GMDS: variants seen among roughly 807,000 people sequenced by gnomAD.
The protein encoded by GMDS is GDP-mannose 4,6 dehydratase.
In GMDS, 20 loss-of-function variants were observed where a neutral mutation model predicts 49.9. The ratio of observed to expected loss-of-function variants is 0.40; its 90% CI spans 0.28 to 0.58. The LOEUF is 0.58. GMDS is among the 20% of genes least tolerant of loss of function. The probability of loss-of-function intolerance (pLI) is 0.42; values close to 1 mark genes in which losing one functional copy is unlikely to be tolerated. For synonymous variants in GMDS, 177 were observed against 178.6 expected (o/e 0.99, Z 0.07); for missense variants, 362 against 481.4 (o/e 0.75, Z 2.32).
chr6:1,754,462 TG>T (rs1561783318), intron 7 of GMDS, among the ~76,000 whole-genome samples: 1 of 152,206 alleles, frequency 6.6e-6, no homozygotes, highest in African/African-American at 2.4e-5. Context: ...AAAGAGGAGC[TG>T]GTACCATTCC....
intron 1 of GMDS, among the ~76,000 whole-genome samples, chr6:2,238,078 C>G (rs1022341314): frequency 4.6e-5 from 7 of 152,006 alleles, no homozygotes; most frequent in Admixed American, 2.0e-4. Context: ...CACCTCTGAG[C>G]ACTTTTAAGT....
rs374647835 is a variant in GMDS at position 2,125,275 on chromosome 6, T to TAAAAC, written c.103-549_103-545dup. 2.2e-3 allele frequency among the ~76,000 whole-genome samples: 327 copies of TAAAAC among 151,334 alleles called. 1 individual carries two copies. The highest frequency in any genetic ancestry group is 5.4e-3 in the African/African-American group (220 of 40,714). ...CAACACAGTGAGACCTTAGCACTGT[T>TAAAAC]AAAACAAAACAAAACAAAACAAAAC... is the stretch of plus-strand genomic sequence containing the variant. On this transcript the variant is annotated intron_variant, in intron 1 of 10. Coordinates refer to ENST00000380815, the MANE Select transcript of GMDS (RefSeq NM_001500.4).
intron 9 of GMDS, among the ~76,000 whole-genome samples, chr6:1,692,798 T>C (rs4285363): frequency 0.046 from 7,021 of 152,342 alleles, 165 homozygotes; most frequent in South Asian, 0.071. Context: ...CAGAATAAGG[T>C]TCTAAAAATT....
chr6:1,924,346 A>G (rs1290532672), intron 7 of GMDS, among the ~76,000 whole-genome samples: 1 of 152,220 alleles, frequency 6.6e-6, no homozygotes, highest in Admixed American at 6.5e-5. Context: ...CCTCTGGGTT[A>G]CCAGTAGGAC....
chr6:1,871,691 C>T (rs1001691269), intron 7 of GMDS, among the ~76,000 whole-genome samples: 10 of 152,248 alleles, frequency 6.6e-5, no homozygotes, highest in African/African-American at 2.4e-4. Context: ...AAATTCTGTC[C>T]TAAGCTGCTG....
intron 4 of GMDS, among the ~76,000 whole-genome samples, chr6:2,022,893 A>G (rs576521742): frequency 1.3e-5 from 2 of 152,236 alleles, no homozygotes; most frequent in Non-Finnish European, 2.9e-5. Context: ...GAGGAATAAT[A>G]AAAACTGTTC....
At chr6:1,694,507 A>C (rs770207683) in intron 9 of GMDS, among the ~76,000 whole-genome samples, 3 of 152,222 alleles carry the variant, frequency 2.0e-5, no homozygotes, top group Non-Finnish European at 4.4e-5. Flanking sequence ...GCAGTGCCAG[A>C]CTTTTGCTAC....
intron 7 of GMDS, among the ~76,000 whole-genome samples, chr6:1,838,443 C>T (rs1353396427): frequency 2.0e-5 from 3 of 152,212 alleles, no homozygotes; most frequent in Admixed American, 2.0e-4. Context: ...GTAATTAGTT[C>T]AGCCTGCAGA....
intron 7 of GMDS, among the ~76,000 whole-genome samples, chr6:1,824,540 T>A (rs1771031558): frequency 6.6e-6 from 1 of 152,186 alleles, no homozygotes; most frequent in Non-Finnish European, 1.5e-5. Flanking sequence ...CCTCTCACAA[T>A]GCCTGGTGGT....
At chr6:1,718,333 T>A (rs1232100990) in intron 9 of GMDS, among the ~76,000 whole-genome samples, 1 of 151,934 alleles carries the variant, frequency 6.6e-6, no homozygotes, top group Non-Finnish European at 1.5e-5. Context: ...CCTCAACACC[T>A]CCCCCTGCAA....
chr6:2,220,458 T>TTTTTTACTGTTAA (rs1319989589), intron 1 of GMDS, among the ~76,000 whole-genome samples: 1 of 152,226 alleles, frequency 6.6e-6, no homozygotes, highest in Non-Finnish European at 1.5e-5. Flanking sequence ...AGTGCTTTAA[T>TTTTTTACTGTTAA]GTGAATAGAT....
chr6:1,834,829 T>TC (rs1756850149), intron 7 of GMDS, among the ~76,000 whole-genome samples: 1 of 152,112 alleles, frequency 6.6e-6, no homozygotes, highest in African/African-American at 2.4e-5. Flanking sequence ...GTTTGTTCCG[T>TC]CCCCCTTCCT....
intron 1 of GMDS, among the ~76,000 whole-genome samples, chr6:2,141,526 G>A (rs1289415981): frequency 6.6e-6 from 1 of 152,206 alleles, no homozygotes; most frequent in South Asian, 2.1e-4. Context: ...CTACAGGTAG[G>A]TGCCCACCTC....
chr6:1,740,830 A>G (rs1197131941), intron 8 of GMDS, among the ~76,000 whole-genome samples: 1 of 152,112 alleles, frequency 6.6e-6, no homozygotes, highest in Non-Finnish European at 1.5e-5. Context: ...TCCCCATATT[A>G]TACGTAAAAT....
At chr6:2,067,480 C>G (rs1385174158) in intron 4 of GMDS, among the ~76,000 whole-genome samples, 10 of 151,688 alleles carry the variant, frequency 6.6e-5, no homozygotes, top group South Asian at 2.1e-4. Context: ...CCAGGAGCTG[C>G]TTTTTTGAAA....
intron 1 of GMDS, among the ~76,000 whole-genome samples, chr6:2,208,301 TG>T (rs560876051): frequency 7.2e-4 from 110 of 152,344 alleles, no homozygotes; most frequent in African/African-American, 2.5e-3. Context: ...TCAGGAGACT[TG>T]TTCTGTTACC....
intron 1 of GMDS, among the ~76,000 whole-genome samples, chr6:2,139,606 T>G (rs1231119001): frequency 6.6e-6 from 1 of 152,180 alleles, no homozygotes; most frequent in Admixed American, 6.5e-5. Flanking sequence ...GTCTTTACTC[T>G]AATTATCCCC....
intron 1 of GMDS, among the ~76,000 whole-genome samples, chr6:2,178,147 A>G (rs939827170): frequency 6.6e-5 from 10 of 152,232 alleles, no homozygotes; most frequent in Non-Finnish European, 1.3e-4. Flanking sequence ...GGGAGGGAAG[A>G]AGGAGAGCAA....
chr6:2,105,918 C>T (rs745831326), intron 4 of GMDS, among the ~76,000 whole-genome samples: 4 of 152,176 alleles, frequency 2.6e-5, no homozygotes, highest in African/African-American at 9.7e-5. Context: ...ACACTAGAAC[C>T]GTACACAAGT....
Sources: allele counts gnomAD v4.1 joint callset (sites outside exome capture counted in the v4.1 genomes callset), GRCh38; gene constraint gnomAD v4.1.1; transcripts MANE v1.5; gene names NCBI Gene and HGNC (gene_info 2026-07-23, HGNC 2026-07-21).